Variants in ZSWIM6 observed in about 807,000 individuals in gnomAD.
ZSWIM6 encodes zinc finger SWIM domain-containing protein 6.
ZSWIM6 carries 9 observed loss-of-function variants against 113.2 expected under a neutral mutation model. That is an observed-to-expected ratio of 0.08 (90% CI 0.05 to 0.14). The LOEUF is 0.14. Among genes scored for constraint, ZSWIM6 ranks in the 10% least tolerant of loss-of-function variants. The pLI, the probability that ZSWIM6 is intolerant of heterozygous loss-of-function variation, is 1.00. For synonymous variants in ZSWIM6, 611 were observed against 606.5 expected (o/e 1.01, Z -0.11); for missense variants, 1,162 against 1,552.2 (o/e 0.75, Z 4.22).
At chr5:61,404,674 G>C (rs1746012547) in intron 1 of ZSWIM6, among the ~76,000 whole-genome samples, 1 of 152,258 alleles carries the variant, frequency 6.6e-6, no homozygotes. Flanking sequence ...AAGTCCAAGA[G>C]AGGAGAGGGA....
At chr5:61,333,895 C>T (rs1171629557) in intron 1 of ZSWIM6, among the ~76,000 whole-genome samples, 1 of 152,042 alleles carries the variant, frequency 6.6e-6, no homozygotes, top group Non-Finnish European at 1.5e-5. Flanking sequence ...TTGCCGCTCG[C>T]AGCCAAAGGG....
chr5:61,543,347 T>A lies in ZSWIM6; in HGVS notation c.2786-108T>A. 7.6e-7 allele frequency: 1 copy of A among 1,312,668 alleles called. No individual in the cohort carries two copies. 81.3% of individuals were successfully genotyped at this position (1,312,668 alleles called of 1,614,324 possible). A position where few individuals can be genotyped will look rare whatever the true frequency, so the allele number is the denominator to read the frequency against. The stretch of plus-strand genomic sequence containing the variant: ...TTACAGGATTTTCTAGCCTAGCTCA[T>A]GTCCTATGATGGTTAACAATGTAAA... On this transcript the variant is annotated intron_variant, in intron 13 of 13. Transcript: ENST00000252744. This position sits in a 1 kb window ranked among gnomAD's most constrained non-coding sequence, Gnocchi z 4.3.
At chr5:61,445,284 T>C (rs988087569) in intron 1 of ZSWIM6, among the ~76,000 whole-genome samples, 15 of 152,164 alleles carry the variant, frequency 9.9e-5, no homozygotes, top group Non-Finnish European at 1.8e-4. Flanking sequence ...TGAAGATAAG[T>C]GAACCATACA....
chr5:61,543,755 A>T lies in ZSWIM6; in HGVS notation c.3086A>T (p.Gln1029Leu), dbSNP rs1207704884. 6.4e-7 allele frequency: 1 copy of T among 1,551,762 alleles called. No individual in the cohort carries two copies. The highest frequency in any genetic ancestry group is 2.0e-5 in the Admixed American group (1 of 51,008). Residue 1029 changes from glutamine to leucine, a missense_variant, in exon 14 of 14, where the codon CAG (glutamine) becomes CTG (leucine). Around this residue, in one of 4 missense-constraint regions of ZSWIM6, gnomAD observed 620 missense variants for 804.6 expected, o/e 0.77. Coordinates refer to ENST00000252744, the MANE Select transcript of ZSWIM6 (RefSeq NM_020928.2). This position sits in a 1 kb window ranked among gnomAD's most constrained non-coding sequence, Gnocchi z 4.3. ...GCTACGACTGGCATGAGCTATACAC[A>T]GCTCTTTACAATAGCACGGTACATG... The part of the protein sequence containing the change: ...DAATTGMSYT[Q>L]LFTIARYMEH...
intron 1 of ZSWIM6, among the ~76,000 whole-genome samples, chr5:61,371,036 A>G (rs542761735): frequency 1.0e-3 from 152 of 152,338 alleles, no homozygotes; most frequent in African/African-American, 3.6e-3. Flanking sequence ...CTCTGGGGAC[A>G]AACTGTCAGG....
At chr5:61,392,189 G>A (rs1745732037) in intron 1 of ZSWIM6, among the ~76,000 whole-genome samples, 2 of 152,176 alleles carry the variant, frequency 1.3e-5, no homozygotes, top group South Asian at 4.1e-4. Flanking sequence ...TGAATTTGCA[G>A]TGATGAGTCT....
rs1253791362 is a variant in ZSWIM6 at position 61,332,402 on chromosome 5, C to G, written c.130C>G (p.Pro44Ala). 7.1e-6 allele frequency: 7 copies of G among 991,796 alleles called. No individual in the cohort carries two copies. Among genetic ancestry groups the G allele is most frequent in the Non-Finnish European group, 8.4e-6 (7 of 836,850 alleles). 61.4% of individuals were successfully genotyped at this position (991,796 alleles called of 1,614,324 possible). A position where few individuals can be genotyped will look rare whatever the true frequency, so the allele number is the denominator to read the frequency against. Reference protein sequence around the residue: ...AGGGYSSACRPGPRAGGAAAA... With the variant: ...AGGGYSSACRAGPRAGGAAAA... ...TGGCGGCTACAGCTCTGCCTGTCGG[C>G]CAGGCCCGCGGGCGGGTGGCGCGGC... Residue 44 changes from proline (P) to alanine (A), a missense_variant, in exon 1 of 14, where the codon CCA becomes GCA. Transcript: ENST00000252744.
At chr5:61,457,716 T>G (rs990828622) in intron 1 of ZSWIM6, among the ~76,000 whole-genome samples, 1 of 152,042 alleles carries the variant, frequency 6.6e-6, no homozygotes, top group Admixed American at 6.5e-5. Flanking sequence ...AGAGATGGGG[T>G]TTCACCATGT....
At chr5:61,377,190 A>C (rs2112075425) in intron 1 of ZSWIM6, among the ~76,000 whole-genome samples, 1 of 152,310 alleles carries the variant, frequency 6.6e-6, no homozygotes, top group Admixed American at 6.5e-5. Flanking sequence ...TCAGTGAGGG[A>C]ATTTATTCAA....
chr5:61,355,324 G>C (rs886778878), intron 1 of ZSWIM6, among the ~76,000 whole-genome samples: 2 of 152,080 alleles, frequency 1.3e-5, no homozygotes, highest in African/African-American at 4.8e-5. Context: ...GTCAAGTTGA[G>C]ATGCCCCCGG....
intron 1 of ZSWIM6, among the ~76,000 whole-genome samples, chr5:61,416,658 T>C (rs1746262214): frequency 1.3e-5 from 2 of 152,222 alleles, no homozygotes; most frequent in African/African-American, 4.8e-5. Flanking sequence ...TGCCCCTTCC[T>C]TTGGCCTCAC....
Position 61,472,963 on chromosome 5 carries a change from C to T in ZSWIM6, c.959C>T (p.Thr320Ile), listed in dbSNP as rs1320078704. The stretch of plus-strand genomic sequence containing the variant: ...CAGTATTTGATCACAGTGCACCACA[C>T]AGAAGTTTTGCCAACTGCTCAAAAA... ...FVQYLITVHH[T>I]EVLPTAQKLA... Residue 320 changes from threonine (T) to isoleucine (I), a missense_variant, in exon 2 of 14, where the codon ACA becomes ATA. By Grantham distance (89) the Thr-to-Ile change is moderately conservative (BLOSUM62 -1). This residue lies in a region of ZSWIM6 where 96 missense variants were observed against 240.3 expected (regional missense o/e 0.40). Coordinates refer to ENST00000252744, the MANE Select transcript of ZSWIM6 (RefSeq NM_020928.2). This position sits in a 1 kb window ranked among gnomAD's most constrained non-coding sequence, Gnocchi z 4.1. 6.5e-7 allele frequency: 1 copy of T among 1,544,460 alleles called. No homozygotes were observed. Among genetic ancestry groups the T allele is most frequent in the Non-Finnish European group, 8.7e-7 (1 of 1,143,130 alleles).
chr5:61,496,465 AT>A (rs1324716459), intron 4 of ZSWIM6, among the ~76,000 whole-genome samples: 1 of 152,162 alleles, frequency 6.6e-6, no homozygotes, highest in African/African-American at 2.4e-5. Flanking sequence ...TCTTAATAAA[AT>A]GGGGGAATTT....
At chr5:61,527,756 C>T (rs549728829) in intron 7 of ZSWIM6, among the ~76,000 whole-genome samples, 2 of 152,020 alleles carry the variant, frequency 1.3e-5, no homozygotes, top group South Asian at 4.2e-4. Context: ...AGAGCCAGTT[C>T]GTGATGATCA....
At chr5:61,375,610 G>A (rs1745357124) in intron 1 of ZSWIM6, 1 of 1,535,372 alleles carries the variant, frequency 6.5e-7, no homozygotes, top group Non-Finnish European at 8.8e-7. Flanking sequence ...GTCAAAAGAT[G>A]GAACTGAGAA....
intron 1 of ZSWIM6, among the ~76,000 whole-genome samples, chr5:61,349,586 G>A (rs1160844245): frequency 6.6e-6 from 1 of 152,032 alleles, no homozygotes; most frequent in African/African-American, 2.4e-5. Flanking sequence ...CAAATACCGT[G>A]TAGGGTTTCT....
intron 4 of ZSWIM6, among the ~76,000 whole-genome samples, chr5:61,510,987 G>A (rs868101642): frequency 1.8e-4 from 27 of 152,184 alleles, no homozygotes; most frequent in Admixed American, 3.9e-4. Flanking sequence ...AATGTTTCAG[G>A]CGTATTGAAG....
chr5:61,422,344 TC>T (rs1746370240), intron 1 of ZSWIM6, among the ~76,000 whole-genome samples: 1 of 152,230 alleles, frequency 6.6e-6, no homozygotes, highest in Non-Finnish European at 1.5e-5. Flanking sequence ...CAAAGGATTT[TC>T]TTGGCACTTT....
intron 1 of ZSWIM6, among the ~76,000 whole-genome samples, chr5:61,402,314 A>G (rs757129364): frequency 6.6e-6 from 1 of 152,214 alleles, no homozygotes; most frequent in African/African-American, 2.4e-5. Context: ...GAATTTGAAG[A>G]TATATCCATA....
Sources: gnomAD v4.1 joint callset for allele counts (sites outside exome capture counted in the v4.1 genomes callset) on GRCh38, gnomAD v4.1.1 for gene constraint, gnomAD v4.1.1 regional missense constraint, Gnocchi (gnomAD v3.1) non-coding constraint, MANE v1.5 for transcripts, NCBI Gene and HGNC (gene_info 2026-07-23, HGNC 2026-07-21) for gene names.